ZFR: variants seen among roughly 807,000 people sequenced by gnomAD.
ZFR encodes zinc finger RNA binding protein.
ZFR carries 19 observed loss-of-function variants against 130.7 expected under a neutral mutation model. That is an observed-to-expected ratio of 0.15 (90% CI 0.10 to 0.21). The LOEUF (loss-of-function observed/expected upper bound fraction) is 0.21. Among genes scored for constraint, ZFR ranks in the 10% least tolerant of loss-of-function variants. The pLI is 1.00. For synonymous variants in ZFR, 466 were observed against 456.9 expected (o/e 1.02, Z -0.25); for missense variants, 872 against 1,321.5 (o/e 0.66, Z 5.27).
At chr5:32,406,750 A>G in intron 6 of ZFR, 24 bp downstream of exon 6, 1 of 1,596,642 alleles carries the variant, frequency 6.3e-7, no homozygotes, top group Non-Finnish European at 8.5e-7. Flanking sequence ...TGAAGACTCA[A>G]GGTAAAACAT....
chr5:32,444,140 C>A, intron 2 of ZFR, 89 bp downstream of exon 2: 1 of 1,453,296 alleles, frequency 6.9e-7, no homozygotes, highest in South Asian at 1.3e-5. Context: ...TCTGGGATGG[C>A]TGGGGACGGG....
intron 19 of ZFR, 102 bp from the exon 20 acceptor site, chr5:32,356,041 T>C (rs1355937341): frequency 1.1e-6 from 1 of 879,604 alleles, no homozygotes; most frequent in Non-Finnish European, 1.6e-6. Flanking sequence ...AAAGCATGTG[T>C]AATGAAAGAA....
At chr5:32,360,743 G>A (rs996433582) in intron 19 of ZFR, among the ~76,000 whole-genome samples, 1 of 152,124 alleles carries the variant, frequency 6.6e-6, no homozygotes, top group African/African-American at 2.4e-5. Flanking sequence ...TTACTGAGGA[G>A]CTGCTAACCT....
intron 19 of ZFR, among the ~76,000 whole-genome samples, chr5:32,361,397 A>G (rs1752427552): frequency 6.6e-6 from 1 of 152,178 alleles, no homozygotes; most frequent in Non-Finnish European, 1.5e-5. Context: ...TACTTCACTT[A>G]AGTTATAAGA....
intron 6 of ZFR, among the ~76,000 whole-genome samples, chr5:32,404,426 A>G (rs992100597): frequency 5.9e-5 from 9 of 152,240 alleles, no homozygotes; most frequent in Non-Finnish European, 1.2e-4. Context: ...ATCATTCCAT[A>G]AAGAAATTAT....
intron 12 of ZFR, 127 bp downstream of exon 12, chr5:32,390,148 C>T: frequency 7.8e-7 from 1 of 1,278,506 alleles, no homozygotes; most frequent in Non-Finnish European, 1.1e-6. Context: ...GAGCAAGACT[C>T]TGTCTCAAAA....
chr5:32,443,871 G>A (rs537978872), intron 2 of ZFR, among the ~76,000 whole-genome samples: 3 of 152,354 alleles, frequency 2.0e-5, no homozygotes, highest in Non-Finnish European at 2.9e-5. Flanking sequence ...GGGGCTGGAC[G>A]CGCGGAGGCG....
At chr5:32,443,313 T>A (rs1287490113) in intron 2 of ZFR, among the ~76,000 whole-genome samples, 1 of 152,230 alleles carries the variant, frequency 6.6e-6, no homozygotes, top group Non-Finnish European at 1.5e-5. Flanking sequence ...TATAATGAAC[T>A]ACAGACTTCA....
intron 4 of ZFR, among the ~76,000 whole-genome samples, chr5:32,416,486 T>G (rs1292812663): frequency 1.3e-5 from 2 of 151,964 alleles, no homozygotes; most frequent in Non-Finnish European, 2.9e-5. Flanking sequence ...TGGTGGCGCA[T>G]GCCTGTAATC....
intron 17 of ZFR, among the ~76,000 whole-genome samples, chr5:32,371,630 G>A (rs1379176989): frequency 1.3e-5 from 2 of 151,900 alleles, no homozygotes; most frequent in South Asian, 2.1e-4. Flanking sequence ...TTTCCTAAAC[G>A]TAAAAACTCC....
chr5:32,432,750 T>C (rs1211409060), intron 2 of ZFR, among the ~76,000 whole-genome samples: 1 of 152,144 alleles, frequency 6.6e-6, no homozygotes, highest in African/African-American at 2.4e-5. Flanking sequence ...TTCTTCTTTT[T>C]ATTTTTTTCA....
At chr5:32,395,466 A>T (rs1753281857) in intron 10 of ZFR, among the ~76,000 whole-genome samples, 162 bp from the exon 11 acceptor site, 1 of 152,224 alleles carries the variant, frequency 6.6e-6, no homozygotes, top group South Asian at 2.1e-4. Flanking sequence ...CAGAGAAAAG[A>T]TTCAAAATAC....
chr5:32,406,597 T>C, intron 6 of ZFR, 177 bp downstream of exon 6: 1 of 842,172 alleles, frequency 1.2e-6, no homozygotes, highest in East Asian at 3.3e-5. Flanking sequence ...CACAATCATC[T>C]TTACAGTTTT....
At chr5:32,379,253 A>C in intron 16 of ZFR, 43 bp from the exon 17 acceptor site, 3 of 1,520,610 alleles carry the variant, frequency 2.0e-6, no homozygotes, top group Non-Finnish European at 2.7e-6. Flanking sequence ...TCTTAGAAAT[A>C]CTGAATATAT....
chr5:32,401,272 T>C (rs1753443133), intron 8 of ZFR, among the ~76,000 whole-genome samples: 3 of 152,212 alleles, frequency 2.0e-5, no homozygotes, highest in African/African-American at 4.8e-5. Context: ...GAAGACAATG[T>C]AGCTGCCTTT....
In ZFR at chr5:32,415,561, A is replaced by G. The variant is rs560354509; in HGVS notation, c.566-374T>C. 6.0e-5 allele frequency among the ~76,000 whole-genome samples: 9 copies of G among 151,260 alleles called. No homozygotes were observed. The South Asian group carries it at 1.9e-3, about 32-fold the overall frequency. On this transcript the variant is annotated intron_variant, in intron 4 of 19. Transcript: ENST00000265069. Reference sequence around the variant, plus strand: ...TAGTCAGTCTACTTCAGTTAGGCTTAATATTGGAAACAGGACAGAATGAGT... The same window carrying G: ...TAGTCAGTCTACTTCAGTTAGGCTTGATATTGGAAACAGGACAGAATGAGT...
At chr5:32,435,941 T>A (rs1401018658) in intron 2 of ZFR, among the ~76,000 whole-genome samples, 1 of 152,142 alleles carries the variant, frequency 6.6e-6, no homozygotes, top group Non-Finnish European at 1.5e-5. Flanking sequence ...CAGATTCTAG[T>A]TTCCTTATAA....
chr5:32,388,857 T>C (rs1165277595), intron 12 of ZFR, among the ~76,000 whole-genome samples, 183 bp from the exon 13 acceptor site: 4 of 152,230 alleles, frequency 2.6e-5, no homozygotes, highest in Non-Finnish European at 5.9e-5. Flanking sequence ...TATATGTATG[T>C]ATGCATGCAT....
intron 9 of ZFR, among the ~76,000 whole-genome samples, chr5:32,398,925 G>A (rs991796592): frequency 6.6e-6 from 1 of 151,940 alleles, no homozygotes; most frequent in African/African-American, 2.4e-5. Flanking sequence ...ACTGTGCCTG[G>A]CCATCCATAG....
Sources: allele counts gnomAD v4.1 joint callset (sites outside exome capture counted in the v4.1 genomes callset), GRCh38; gene constraint gnomAD v4.1.1; transcripts MANE v1.5; gene names NCBI Gene and HGNC (gene_info 2026-07-23, HGNC 2026-07-21).